Variants in SLC35D4 observed in about 807,000 individuals in gnomAD.
SLC35D4 encodes UDP-N-acetylglucosamine transporter SLC35D4.
the SLC35D4 span, among the ~76,000 whole-genome samples, chr18:23,263,380 TA>T: frequency 6.6e-6 from 1 of 152,246 alleles, no homozygotes; most frequent in East Asian, 1.9e-4. Flanking sequence ...GATCTGGAGC[TA>T]CGAAATCCAT....
chr18:23,363,929 C>G, the SLC35D4 span, among the ~76,000 whole-genome samples: 9 of 152,254 alleles, frequency 5.9e-5, no homozygotes, highest in African/African-American at 2.2e-4. Flanking sequence ...GAGAAGTCAT[C>G]GTTCATAGGA....
chr18:23,392,827 T>TTG, the SLC35D4 span, among the ~76,000 whole-genome samples: 1 of 152,118 alleles, frequency 6.6e-6, no homozygotes, highest in Non-Finnish European at 1.5e-5. Context: ...CACAGAGGAG[T>TTG]TCTGAGTGAG....
the SLC35D4 span, among the ~76,000 whole-genome samples, chr18:23,413,561 A>C: frequency 6.6e-6 from 1 of 152,144 alleles, no homozygotes; most frequent in Non-Finnish European, 1.5e-5. Flanking sequence ...CCAAGGCTAG[A>C]TGTGTCGCTG....
At chr18:23,251,188 C>T in the SLC35D4 span, among the ~76,000 whole-genome samples, 2 of 152,224 alleles carry the variant, frequency 1.3e-5, no homozygotes, top group Non-Finnish European at 2.9e-5. Flanking sequence ...CACGGTTGCT[C>T]ATGCCTGTAA....
the SLC35D4 span, among the ~76,000 whole-genome samples, chr18:23,404,534 A>C: frequency 4.8e-5 from 7 of 147,058 alleles, no homozygotes; most frequent in East Asian, 6.2e-4. Context: ...TTAGCTGGGC[A>C]TGGTGGCCCA....
chr18:23,384,847 G>T, the SLC35D4 span: 1 of 645,966 alleles, frequency 1.5e-6, no homozygotes, highest in Non-Finnish European at 2.7e-6. Context: ...TGTGTCCCAT[G>T]GTATCATTGA....
chr18:23,345,294 C>G, the SLC35D4 span, among the ~76,000 whole-genome samples: 3 of 151,714 alleles, frequency 2.0e-5, no homozygotes, highest in Non-Finnish European at 4.4e-5. Context: ...CCAGTCTGAC[C>G]AACATGGTTA....
chr18:23,344,750 C>T, the SLC35D4 span, among the ~76,000 whole-genome samples: 90 of 151,828 alleles, frequency 5.9e-4, no homozygotes, highest in Non-Finnish European at 1.1e-3. Flanking sequence ...TACAGGTGCC[C>T]GCCACCACGC....
chr18:23,340,669 G>A, the SLC35D4 span, among the ~76,000 whole-genome samples: 1 of 152,348 alleles, frequency 6.6e-6, no homozygotes, highest in Admixed American at 6.5e-5. Context: ...CAAAGGCTGG[G>A]TTTTCTGCCT....
chr18:23,318,688 T>C, the SLC35D4 span, among the ~76,000 whole-genome samples: 1 of 152,208 alleles, frequency 6.6e-6, no homozygotes, highest in Non-Finnish European at 1.5e-5. Flanking sequence ...CAATGTGATG[T>C]TAGGAAAAAG....
chr18:23,411,116 A>G, the SLC35D4 span, among the ~76,000 whole-genome samples: 4 of 149,772 alleles, frequency 2.7e-5, no homozygotes, highest in African/African-American at 9.9e-5. Flanking sequence ...CTCTAGGGAG[A>G]TACTGAGCTA....
chr18:23,426,968 T>C, the SLC35D4 span, among the ~76,000 whole-genome samples: 45 of 152,340 alleles, frequency 3.0e-4, no homozygotes, highest in Non-Finnish European at 6.0e-4. Flanking sequence ...TAGCCATATG[T>C]AGAAAACTGA....
chr18:23,371,041 G>A, the SLC35D4 span, among the ~76,000 whole-genome samples: 1 of 151,696 alleles, frequency 6.6e-6, no homozygotes. Context: ...ATTCAAGTAA[G>A]CTTCCCTCCC....
chr18:23,387,042 T>C, the SLC35D4 span, among the ~76,000 whole-genome samples: 7 of 152,200 alleles, frequency 4.6e-5, no homozygotes, highest in African/African-American at 1.7e-4. Context: ...CCCAAGTAGC[T>C]GGGACTATAG....
the SLC35D4 span, among the ~76,000 whole-genome samples, chr18:23,327,823 G>A: frequency 3.9e-5 from 6 of 152,194 alleles, no homozygotes; most frequent in African/African-American, 7.2e-5. Context: ...CTGGCAAACC[G>A]AATCCAGCAG....
the SLC35D4 span, among the ~76,000 whole-genome samples, chr18:23,347,121 G>C: frequency 1.3e-5 from 2 of 152,170 alleles, no homozygotes; most frequent in South Asian, 4.1e-4. Context: ...CATCAATAAA[G>C]CCAACTGGGG....
chr18:23,307,986 C>G, the SLC35D4 span, among the ~76,000 whole-genome samples: 2 of 152,242 alleles, frequency 1.3e-5, no homozygotes, highest in Non-Finnish European at 2.9e-5. Flanking sequence ...CTGTCTCCTG[C>G]ATACCCCCAG....
At chr18:23,352,240 G>T in the SLC35D4 span, 3 of 1,612,250 alleles carry the variant, frequency 1.9e-6, 1 homozygote, top group South Asian at 3.3e-5. Flanking sequence ...GGGGCCAGAA[G>T]GTTTTTTAGC....
At chr18:23,392,056 C>A in the SLC35D4 span, among the ~76,000 whole-genome samples, 11 of 151,712 alleles carry the variant, frequency 7.3e-5, no homozygotes, top group South Asian at 1.7e-3. Flanking sequence ...TCCTGCCTCA[C>A]CCTCCTGAGT....
Sources: allele counts gnomAD v4.1 joint callset (sites outside exome capture counted in the v4.1 genomes callset), GRCh38; gene constraint gnomAD v4.1.1; transcripts MANE v1.5; gene names NCBI Gene and HGNC (gene_info 2026-07-23, HGNC 2026-07-21).